The following SS18L1 variants were observed in gnomAD, a reference collection of about 807,000 sequenced individuals.
SS18L1 encodes the protein SS18L1 subunit of BAF chromatin remodeling complex.
A neutral mutation model predicts 70.3 loss-of-function variants in SS18L1; 32 were observed. The observed-to-expected ratio is 0.46, with a 90% CI of 0.34 to 0.61. SS18L1 has a LOEUF of 0.61. SS18L1 is among the 20% of genes least tolerant of loss of function. The probability of loss-of-function intolerance (pLI) is 0.01; values close to 1 mark genes in which losing one functional copy is unlikely to be tolerated. For synonymous variants in SS18L1, 237 were observed against 229.7 expected (o/e 1.03, Z -0.29); for missense variants, 430 against 542.1 (o/e 0.79, Z 2.05).
chr20:62,160,484 T>C (rs928468721), intron 3 of SS18L1, among the ~76,000 whole-genome samples: 5 of 152,018 alleles, frequency 3.3e-5, no homozygotes, highest in Non-Finnish European at 5.9e-5. Flanking sequence ...GCACATGCGC[T>C]GCTGTGGGTG....
At position 62,158,553 on chromosome 20, in the gene SS18L1, C is replaced by G. The variant is rs1412012679; in HGVS notation, c.70-119C>G. On this transcript the variant is annotated intron_variant, in intron 1 of 10. Transcript: ENST00000331758. The surrounding 1 kb of genome is among the most constrained non-coding windows in gnomAD (Gnocchi z 4.5). ...AAATCTGGAAAAATCTGAAATCTGA[C>G]ACGTTTCACGTAAGGGACGCTCAAC... The G allele has an allele frequency of 2.1e-6, 3 of 1,450,112 alleles. No homozygotes were observed. The highest frequency in any genetic ancestry group is 2.8e-6 in the Non-Finnish European group (3 of 1,081,260). The allele number at this position is 1,450,112 out of a possible 1,614,324, so 89.8% of individuals were successfully genotyped here.
rs753546745 is a variant in SS18L1, at chr20:62,163,459, C to G, written c.558C>G (p.Val186=). Residue 186 remains valine (V), a splice_region_variant and synonymous_variant, in exon 6 of 11, where the codon GTC becomes GTG. Transcript: ENST00000331758. ...TGGGGCCTCTGTCCTGTCGTTCAGT[C>G]TCCATGATGCAGCAGCAGGCGGCCA... ...RTNINMQSNP[V]SMMQQQAATS... 5.6e-6 allele frequency: 9 copies of G among 1,612,100 alleles called. No homozygotes were observed. Among genetic ancestry groups the G allele is most frequent in the Non-Finnish European group, 7.6e-6 (9 of 1,179,864 alleles).
intron 4 of SS18L1, among the ~76,000 whole-genome samples, chr20:62,162,200 C>T (rs1024269470): frequency 6.6e-6 from 1 of 152,212 alleles, no homozygotes; most frequent in African/African-American, 2.4e-5. Flanking sequence ...TGCCCTGCAG[C>T]CTGGGTGACA....
intron 1 of SS18L1, among the ~76,000 whole-genome samples, chr20:62,156,065 G>A (rs184133846): frequency 2.0e-5 from 3 of 150,080 alleles, no homozygotes; most frequent in South Asian, 2.2e-4. Context: ...GTCGTGCTTC[G>A]TCGTGCGTAC....
Position 62,158,476 on chromosome 20 carries a change from CG to C in SS18L1, c.70-193del, listed in dbSNP as rs1377980263. 6.6e-6 allele frequency among the ~76,000 whole-genome samples: 1 copy of C among 151,998 alleles called. No homozygotes were observed. Among genetic ancestry groups the C allele is most frequent in the Non-Finnish European group, 1.5e-5 (1 of 67,990 alleles). Reference sequence around the variant, plus strand: ...ATGCTCATTGGAGCATTTTGGATTTCGGGTTTTCGGATTAGGGATGCCAAAC... The same window carrying C: ...ATGCTCATTGGAGCATTTTGGATTTCGGTTTTCGGATTAGGGATGCCAAAC... On this transcript the variant is annotated intron_variant, in intron 1 of 10. Transcript: ENST00000331758. This position sits in a 1 kb window ranked among gnomAD's most constrained non-coding sequence, Gnocchi z 4.5.
intron 10 of SS18L1, among the ~76,000 whole-genome samples, chr20:62,176,811 C>A (rs1015068945): frequency 1.4e-5 from 2 of 138,354 alleles, no homozygotes; most frequent in African/African-American, 6.4e-5. Context: ...AAGAAAAAGA[C>A]ACAGAGCAAT....
At chr20:62,145,787 A>G (rs540335312) in intron 1 of SS18L1, among the ~76,000 whole-genome samples, 25 of 152,146 alleles carry the variant, frequency 1.6e-4, no homozygotes, top group Non-Finnish European at 3.4e-4. Context: ...TTGACGGTGA[A>G]TATATGTACC....
At position 62,161,672 on chromosome 20, in the gene SS18L1, C is replaced by T. The variant is rs2057333012; in HGVS notation, c.376+92C>T. 2.0e-6 allele frequency: 3 copies of T among 1,492,538 alleles called. No individual in the cohort carries two copies. The highest frequency in any genetic ancestry group is 2.7e-6 in the Non-Finnish European group (3 of 1,112,430). The allele number at this position is 1,492,538 out of a possible 1,614,324, so 92.5% of individuals were successfully genotyped here. ...GCTGCCATGGTGGGGCACCCCACCC[C>T]TCACAGGGCTGGGCATGGGACCCAC... On this transcript the variant is annotated intron_variant, in intron 4 of 10. Coordinates refer to ENST00000331758, the MANE Select transcript of SS18L1 (RefSeq NM_198935.3). The surrounding 1 kb of genome is among the most constrained non-coding windows in gnomAD (Gnocchi z 4.4).
intron 7 of SS18L1, among the ~76,000 whole-genome samples, chr20:62,165,216 C>A (rs1169669332): frequency 6.6e-6 from 1 of 152,218 alleles, no homozygotes; most frequent in Non-Finnish European, 1.5e-5. Flanking sequence ...CACAGTCGCC[C>A]CGAGAAGGAG....
chr20:62,168,155 G>T (rs6121523), intron 8 of SS18L1, among the ~76,000 whole-genome samples: 2 of 151,920 alleles, frequency 1.3e-5, no homozygotes, highest in African/African-American at 4.8e-5. Flanking sequence ...TTGTGGGTTA[G>T]GTACTCTTGC....
chr20:62,182,238 G>C lies in SS18L1; in HGVS notation c.*3030G>C. On this transcript the variant is annotated 3_prime_UTR_variant, in exon 11 of 11. Transcript: ENST00000331758. ...TCTGATTTTGTCAGGGTTTTTCTAC[G>C]TGTAGGCGTGAATAGGGGGCACCCC... is the stretch of plus-strand genomic sequence containing the variant. The C allele has an allele frequency of 9.2e-6, 2 of 217,554 alleles. No homozygotes were observed. The highest frequency in any genetic ancestry group is 9.2e-6 in the Non-Finnish European group (1 of 108,310). The allele number at this position is 217,554 out of a possible 1,614,324, so 13.5% of individuals were successfully genotyped here.
chr20:62,166,967 T>C (rs1357560178), intron 8 of SS18L1, among the ~76,000 whole-genome samples: 1 of 150,674 alleles, frequency 6.6e-6, no homozygotes, highest in African/African-American at 2.4e-5. Flanking sequence ...TGGCCAGGCA[T>C]GGTGGCTTAC....
chr20:62,179,002 G>A (rs1473196362), intron 10 of SS18L1, among the ~76,000 whole-genome samples, 180 bp from the exon 11 acceptor site: 4 of 152,228 alleles, frequency 2.6e-5, no homozygotes, highest in African/African-American at 7.2e-5. Context: ...CCCTGTCTAC[G>A]TTGTTAGCCC....
At chr20:62,150,168 G>T (rs890505912) in intron 1 of SS18L1, among the ~76,000 whole-genome samples, 2 of 152,238 alleles carry the variant, frequency 1.3e-5, no homozygotes, top group Admixed American at 6.5e-5. Context: ...AAATTGAGAC[G>T]CTCTTCTGAA....
intron 1 of SS18L1, among the ~76,000 whole-genome samples, chr20:62,149,779 G>A (rs1032447884): frequency 3.9e-5 from 6 of 152,184 alleles, no homozygotes; most frequent in Non-Finnish European, 7.3e-5. Context: ...CGTGGTATTC[G>A]GAAAGGGAGG....
At chr20:62,163,057 G>A (rs1424846749) in intron 5 of SS18L1, 126 bp downstream of exon 5, 26 of 1,295,358 alleles carry the variant, frequency 2.0e-5, no homozygotes, top group East Asian at 5.1e-5. Flanking sequence ...GGAGGGGCCC[G>A]TGAATCGGGG....
rs577148122 is a variant in SS18L1 at position 62,159,041 on chromosome 20, G to A, written c.146+293G>A. 2.7e-6 allele frequency: 4 copies of A among 1,471,478 alleles called. No homozygotes were observed. The highest frequency in any genetic ancestry group is 2.8e-5 in the African/African-American group (2 of 72,642). The allele number at this position is 1,471,478 out of a possible 1,614,324, so 91.2% of individuals were successfully genotyped here. On this transcript the variant is annotated intron_variant, in intron 2 of 10. Transcript: ENST00000331758. This position sits in a 1 kb window ranked among gnomAD's most constrained non-coding sequence, Gnocchi z 4.4. ...ATATGTCCCGAGAGTCCCCCAGCAC[G>A]GAGGCCAGATATGTCCCGAGAGTCC...
chr20:62,157,780 A>G (rs1336750643), intron 1 of SS18L1, among the ~76,000 whole-genome samples: 1 of 152,138 alleles, frequency 6.6e-6, no homozygotes, highest in East Asian at 1.9e-4. Context: ...ATTTCAGCGC[A>G]GCACCCCTGG....
intron 1 of SS18L1, among the ~76,000 whole-genome samples, chr20:62,152,515 C>G (rs1024255861): frequency 5.9e-5 from 9 of 152,222 alleles, no homozygotes; most frequent in African/African-American, 2.2e-4. Flanking sequence ...AACTCGGCCT[C>G]TTAGGAAAGG....
Sources: gnomAD v4.1 joint callset for allele counts (sites outside exome capture counted in the v4.1 genomes callset) on GRCh38, gnomAD v4.1.1 for gene constraint, Gnocchi (gnomAD v3.1) non-coding constraint, MANE v1.5 for transcripts, NCBI Gene and HGNC (gene_info 2026-07-23, HGNC 2026-07-21) for gene names.